CLSTN2: variants seen among roughly 807,000 people sequenced by gnomAD.
CLSTN2 encodes calsyntenin-2.
A neutral mutation model predicts 101.2 loss-of-function variants in CLSTN2; 48 were observed. The ratio of observed to expected loss-of-function variants is 0.47; its 90% CI spans 0.38 to 0.60. The LOEUF (loss-of-function observed/expected upper bound fraction) is 0.60. Ranked by LOEUF, CLSTN2 falls within the 20% of genes least tolerant of loss-of-function variation. The pLI is 0.00. For missense variants in CLSTN2, 1,160 were observed against 1,238.2 expected (o/e 0.94, Z 0.95); for synonymous variants, 481 against 463.6 (o/e 1.04, Z -0.48).
chr3:140,469,212 T>G (rs1368150272), intron 8 of CLSTN2, among the ~76,000 whole-genome samples: 1 of 152,194 alleles, frequency 6.6e-6, no homozygotes, highest in African/African-American at 2.4e-5. Flanking sequence ...AAATATGAAT[T>G]TGGGAGAGGC....
intron 1 of CLSTN2, among the ~76,000 whole-genome samples, chr3:140,029,640 A>G (rs181881542): frequency 4.1e-4 from 63 of 152,352 alleles, no homozygotes; most frequent in African/African-American, 1.5e-3. Context: ...ATATCTGTAT[A>G]TAAGAAATGC....
chr3:140,166,236 A>T (rs1033882811), intron 1 of CLSTN2, among the ~76,000 whole-genome samples: 1 of 152,172 alleles, frequency 6.6e-6, no homozygotes, highest in Admixed American at 6.6e-5. Flanking sequence ...TTCAAGGTCT[A>T]ATACATTGGC....
At chr3:139,985,133 C>G (rs1197645400) in intron 1 of CLSTN2, among the ~76,000 whole-genome samples, 1 of 152,328 alleles carries the variant, frequency 6.6e-6, no homozygotes, top group South Asian at 2.1e-4. Flanking sequence ...CTCCACAATT[C>G]ACTCTCCGTA....
Position 140,497,100 on chromosome 3 carries a change from C to CAAAAAA in CLSTN2, c.1344+30382_1344+30387dup, listed in dbSNP as rs57659394. On this transcript the variant is annotated intron_variant, in intron 8 of 16. Transcript: ENST00000458420. ...TGGGTGACACAGCGAGACTCCGTCTCAAAAAAAAAAAAAAAAAAGCAGCAG... is the reference window on the plus strand; with the variant it reads ...TGGGTGACACAGCGAGACTCCGTCTCAAAAAAAAAAAAAAAAAAAAAAAAGCAGCAG... Among the ~76,000 whole-genome samples the CAAAAAA allele has an allele frequency of 4.5e-5, 4 of 88,004 alleles. No individual in the cohort carries two copies. In the East Asian group the frequency reaches 9.4e-4, roughly 21 times the overall value. 57.7% of individuals were successfully genotyped at this position (88,004 alleles called of 152,430 possible).
At position 140,241,904 on chromosome 3, in the gene CLSTN2, CAT is replaced by C. The variant is rs755322726; in HGVS notation, c.232+65847_232+65848del. The stretch of plus-strand genomic sequence containing the variant: ...ATACACACACACACACACACACACA[CAT>C]ATATATATATATATAATTTGACACA... On this transcript the variant is annotated intron_variant, in intron 2 of 16. Transcript: ENST00000458420. 5.9e-3 allele frequency among the ~76,000 whole-genome samples: 872 copies of C among 147,308 alleles called. 3 individuals carry two copies. The highest frequency in any genetic ancestry group is 9.8e-3 in the African/African-American group (392 of 40,028).
intron 6 of CLSTN2, among the ~76,000 whole-genome samples, chr3:140,457,218 C>T (rs1298681228): frequency 6.6e-6 from 1 of 152,210 alleles, no homozygotes; most frequent in Non-Finnish European, 1.5e-5. Flanking sequence ...CCTGCTAGAT[C>T]ATATTGGTCC....
chr3:140,281,641 A>C (rs1202263727), intron 2 of CLSTN2, among the ~76,000 whole-genome samples: 1 of 152,166 alleles, frequency 6.6e-6, no homozygotes, highest in African/African-American at 2.4e-5. Context: ...AAAAATCTTC[A>C]TGTCTGTTCT....
At chr3:140,302,913 G>A (rs1330880515) in intron 2 of CLSTN2, among the ~76,000 whole-genome samples, 3 of 152,164 alleles carry the variant, frequency 2.0e-5, no homozygotes, top group African/African-American at 7.2e-5. Context: ...AGCTAAAAGT[G>A]TGTCAGCCCC....
intron 2 of CLSTN2, among the ~76,000 whole-genome samples, chr3:140,269,555 G>A (rs1472031448): frequency 6.6e-6 from 1 of 152,178 alleles, no homozygotes; most frequent in African/African-American, 2.4e-5. Flanking sequence ...GGACAGAGAG[G>A]GCCAAGCCTG....
At chr3:139,999,006 T>A (rs2006758060) in intron 1 of CLSTN2, among the ~76,000 whole-genome samples, 1 of 151,782 alleles carries the variant, frequency 6.6e-6, no homozygotes, top group Non-Finnish European at 1.5e-5. Flanking sequence ...TTTTTTTTTC[T>A]GAATCCTTTA....
chr3:140,032,429 G>T (rs1201766446), intron 1 of CLSTN2, among the ~76,000 whole-genome samples: 6 of 151,542 alleles, frequency 4.0e-5, no homozygotes, highest in Non-Finnish European at 8.8e-5. Flanking sequence ...TCCACCCCCG[G>T]GTTCAAGCGC....
At chr3:140,428,011 G>A (rs1255283915) in intron 5 of CLSTN2, among the ~76,000 whole-genome samples, 1 of 152,150 alleles carries the variant, frequency 6.6e-6, no homozygotes, top group Non-Finnish European at 1.5e-5. Context: ...TAGTACCCTT[G>A]GAGGCTGTCA....
chr3:140,143,212 C>T (rs6799894), intron 1 of CLSTN2, among the ~76,000 whole-genome samples: 25,573 of 152,054 alleles, frequency 0.17, 6,472 homozygotes, highest in African/African-American at 0.55. Flanking sequence ...GTATTTCTGC[C>T]AGGCAGACCT....
chr3:140,480,856 C>A (rs1006831949), intron 8 of CLSTN2, among the ~76,000 whole-genome samples: 2 of 152,096 alleles, frequency 1.3e-5, no homozygotes, highest in Non-Finnish European at 2.9e-5. Flanking sequence ...GCCCTTTGTC[C>A]AATGAGTAGA....
chr3:139,972,080 A>G (rs1279256490), intron 1 of CLSTN2, among the ~76,000 whole-genome samples: 1 of 152,168 alleles, frequency 6.6e-6, no homozygotes, highest in Middle Eastern at 3.2e-3. Context: ...CATGGCTAAC[A>G]CGGTGAGACC....
chr3:140,481,065 T>A (rs1486703827), intron 8 of CLSTN2, among the ~76,000 whole-genome samples: 4 of 152,196 alleles, frequency 2.6e-5, no homozygotes, highest in Admixed American at 2.6e-4. Context: ...TGTTCGAGGG[T>A]TTTTATGGTT....
Position 140,361,244 on chromosome 3 carries a change from A to C in CLSTN2, c.233-42385A>C, listed in dbSNP as rs150437587. 2.6e-3 allele frequency among the ~76,000 whole-genome samples: 390 copies of C among 152,360 alleles called. 3 individuals carry two copies. The highest frequency in any genetic ancestry group is 4.7e-3 in the Non-Finnish European group (317 of 68,024). On this transcript the variant is annotated intron_variant, in intron 2 of 16. Transcript: ENST00000458420. Reference sequence around the variant, plus strand: ...ACACCATCTTCTTAGATTGAACAAAATTAGACCAAAATCACAGTCATCTCA... The same window carrying C: ...ACACCATCTTCTTAGATTGAACAAACTTAGACCAAAATCACAGTCATCTCA...
At chr3:140,137,188 C>T (rs779897909) in intron 1 of CLSTN2, among the ~76,000 whole-genome samples, 10 of 152,290 alleles carry the variant, frequency 6.6e-5, no homozygotes, top group South Asian at 2.1e-4. Context: ...CTTTCTCCTG[C>T]CCCAGCCCCA....
intron 2 of CLSTN2, among the ~76,000 whole-genome samples, chr3:140,245,811 G>A (rs534794457): frequency 1.3e-5 from 2 of 152,312 alleles, no homozygotes; most frequent in East Asian, 3.9e-4. Context: ...CTGACTTCAG[G>A]GACTTGCAGT....
Sources: allele counts gnomAD v4.1 joint callset (sites outside exome capture counted in the v4.1 genomes callset), GRCh38; gene constraint gnomAD v4.1.1; transcripts MANE v1.5; gene names NCBI Gene and HGNC (gene_info 2026-07-23, HGNC 2026-07-21).